The following PLCB1 variants were observed in gnomAD, a reference collection of about 807,000 sequenced individuals.
PLCB1 encodes phospholipase C beta 1.
PLCB1 carries 46 observed loss-of-function variants against 161.8 expected under a neutral mutation model. That is an observed-to-expected ratio of 0.28 (90% CI 0.22 to 0.36). PLCB1 has a LOEUF of 0.36. PLCB1 is among the 10% of genes least tolerant of loss of function. The pLI is 1.00. For missense variants in PLCB1, 1,016 were observed against 1,472.5 expected (o/e 0.69, Z 5.07); for synonymous variants, 517 against 503.7 (o/e 1.03, Z -0.35).
At chr20:8,394,391 G>GGTGT (rs961541980) in intron 3 of PLCB1, among the ~76,000 whole-genome samples, 5 of 152,004 alleles carry the variant, frequency 3.3e-5, no homozygotes, top group African/African-American at 4.8e-5. Context: ...TTCGGTTCCT[G>GGTGT]GTGTGTGTGT....
intron 3 of PLCB1, among the ~76,000 whole-genome samples, chr20:8,541,444 A>C (rs1260562886): frequency 1.3e-5 from 2 of 152,148 alleles, no homozygotes; most frequent in Non-Finnish European, 2.9e-5. Context: ...CCTTCTGGGC[A>C]CATGGAAGTT....
At chr20:8,444,564 A>G (rs1319515426) in intron 3 of PLCB1, among the ~76,000 whole-genome samples, 2 of 152,214 alleles carry the variant, frequency 1.3e-5, no homozygotes, top group Non-Finnish European at 2.9e-5. Flanking sequence ...GTATATACCC[A>G]GTAATGGGAT....
rs142465156 is a variant in PLCB1, at chr20:8,252,057, G to T, written c.177+101686G>T. Among the ~76,000 whole-genome samples the T allele has an allele frequency of 4.3e-3, 656 of 152,044 alleles. 3 individuals are homozygous for T. The highest frequency in any genetic ancestry group is 6.0e-3 in the Admixed American group (92 of 15,242). On this transcript the variant is annotated intron_variant, in intron 2 of 31. Transcript: ENST00000338037. ...ATCTTCACAAATTCAATACATGAAA[G>T]ATAGGAAGTAAGACGTATGAGTGAT...
At chr20:8,880,187 A>T (rs776980919) in intron 31 of PLCB1, among the ~76,000 whole-genome samples, 2 of 152,176 alleles carry the variant, frequency 1.3e-5, no homozygotes, top group African/African-American at 4.8e-5. Flanking sequence ...TTAACCTTGC[A>T]TGGTGTTTCA....
intron 3 of PLCB1, among the ~76,000 whole-genome samples, chr20:8,517,836 G>T (rs1984196990): frequency 6.6e-6 from 1 of 152,190 alleles, no homozygotes; most frequent in Non-Finnish European, 1.5e-5. Flanking sequence ...ACACCAGGTT[G>T]ATAAGACAAT....
intron 3 of PLCB1, among the ~76,000 whole-genome samples, chr20:8,521,404 A>G (rs1984343489): frequency 6.6e-6 from 1 of 152,102 alleles, no homozygotes; most frequent in African/African-American, 2.4e-5. Flanking sequence ...TACATTAACA[A>G]ATCAAATCAT....
At chr20:8,384,774 A>C (rs1987373258) in intron 3 of PLCB1, among the ~76,000 whole-genome samples, 1 of 152,144 alleles carries the variant, frequency 6.6e-6, no homozygotes, top group African/African-American at 2.4e-5. Flanking sequence ...TTCAGTGGTC[A>C]GGTCCCTCTT....
chr20:8,789,370 C>A (rs1271707254), intron 29 of PLCB1, 148 bp from the exon 30 acceptor site: 1 of 634,432 alleles, frequency 1.6e-6, no homozygotes, highest in Non-Finnish European at 2.8e-6. Flanking sequence ...CAGAGCGAAA[C>A]CTTGTCTCCA....
Position 8,682,593 on chromosome 20 carries a change from T to C in PLCB1, c.863-2339T>C, listed in dbSNP as rs186614118. Among the ~76,000 whole-genome samples, 155 of 152,292 alleles carry C rather than the reference T, an allele frequency of 1.0e-3. 2 individuals carry two copies. Among genetic ancestry groups the C allele is most frequent in the East Asian group, 8.9e-3 (46 of 5,184 alleles). ...GTCACCTTGAGAAATGTATTGAATGTGAAAAGATTTTTACTGTGGTAAATA... is the reference window on the plus strand; with the variant it reads ...GTCACCTTGAGAAATGTATTGAATGCGAAAAGATTTTTACTGTGGTAAATA... On this transcript the variant is annotated intron_variant, in intron 9 of 31. Coordinates refer to ENST00000338037, the MANE Select transcript of PLCB1 (RefSeq NM_015192.4).
chr20:8,460,187 T>C (rs1981513622), intron 3 of PLCB1, among the ~76,000 whole-genome samples: 1 of 152,226 alleles, frequency 6.6e-6, no homozygotes, highest in Admixed American at 6.5e-5. Flanking sequence ...TTATTAGTAA[T>C]TCATAGCATT....
At chr20:8,206,259 C>T (rs1444199162) in intron 2 of PLCB1, among the ~76,000 whole-genome samples, 2 of 152,124 alleles carry the variant, frequency 1.3e-5, no homozygotes, top group Non-Finnish European at 2.9e-5. Context: ...TCATCCTTCT[C>T]CCATTTTCCT....
At chr20:8,581,309 A>G (rs183019731) in intron 3 of PLCB1, among the ~76,000 whole-genome samples, 46 of 152,246 alleles carry the variant, frequency 3.0e-4, no homozygotes, top group Non-Finnish European at 4.7e-4. Flanking sequence ...TTCTCTTTGC[A>G]GTTAGACTGG....
intron 3 of PLCB1, among the ~76,000 whole-genome samples, chr20:8,516,522 C>T (rs1383071376): frequency 6.6e-6 from 1 of 151,892 alleles, no homozygotes; most frequent in Non-Finnish European, 1.5e-5. Context: ...CCCTTTTATA[C>T]ATGTAAGTAC....
intron 2 of PLCB1, among the ~76,000 whole-genome samples, chr20:8,157,533 C>T (rs191597871): frequency 4.8e-4 from 73 of 152,302 alleles, no homozygotes; most frequent in African/African-American, 1.7e-3. Flanking sequence ...TTAAGTTTTT[C>T]CATTTTTATT....
At chr20:8,480,954 A>C (rs1490452519) in intron 3 of PLCB1, among the ~76,000 whole-genome samples, 1 of 152,108 alleles carries the variant, frequency 6.6e-6, no homozygotes, top group Non-Finnish European at 1.5e-5. Flanking sequence ...AAATACAAAA[A>C]TTAGCTGGGC....
chr20:8,844,701 T>C (rs1986626993), intron 31 of PLCB1, among the ~76,000 whole-genome samples: 4 of 152,118 alleles, frequency 2.6e-5, no homozygotes, highest in Admixed American at 2.6e-4. Flanking sequence ...TAGGTATGAG[T>C]AAAGCTAATT....
chr20:8,276,326 A>G (rs1462810005), intron 2 of PLCB1, among the ~76,000 whole-genome samples: 1 of 152,168 alleles, frequency 6.6e-6, no homozygotes, highest in African/African-American at 2.4e-5. Context: ...TTGTGCACAC[A>G]TGTTATTCAC....
intron 3 of PLCB1, among the ~76,000 whole-genome samples, chr20:8,540,549 T>C (rs1354243196): frequency 6.6e-6 from 1 of 152,114 alleles, no homozygotes; most frequent in Non-Finnish European, 1.5e-5. Flanking sequence ...AATGGGACCT[T>C]TCACACAAAC....
At chr20:8,570,181 A>C (rs2123047978) in intron 3 of PLCB1, among the ~76,000 whole-genome samples, 1 of 152,296 alleles carries the variant, frequency 6.6e-6, no homozygotes, top group South Asian at 2.1e-4. Flanking sequence ...CAACCATTGA[A>C]CAAAATTTCA....
Sources: gnomAD v4.1 joint callset for allele counts (sites outside exome capture counted in the v4.1 genomes callset) on GRCh38, gnomAD v4.1.1 for gene constraint, MANE v1.5 for transcripts, NCBI Gene and HGNC (gene_info 2026-07-23, HGNC 2026-07-21) for gene names.